The following FTO variants were observed in gnomAD, a reference collection of about 807,000 sequenced individuals.
FTO encodes FTO alpha-ketoglutarate dependent dioxygenase.
FTO carries 47 observed loss-of-function variants against 63.9 expected under a neutral mutation model. That is an observed-to-expected ratio of 0.74 (90% CI 0.58 to 0.94). The LOEUF is 0.94. FTO is among the 40% of genes least tolerant of loss of function. The pLI is 0.00. For missense variants in FTO, 562 were observed against 618.1 expected, an observed-to-expected ratio of 0.91 and a Z score of 0.96; for synonymous variants, 207 against 224.4, an observed-to-expected ratio of 0.92 and a Z score of 0.69.
intron 1 of FTO, among the ~76,000 whole-genome samples, chr16:53,790,296 C>T (rs924566428): frequency 1.4e-4 from 22 of 151,928 alleles, no homozygotes; most frequent in African/African-American, 5.1e-4. Flanking sequence ...TAGCTTCCCC[C>T]AGCCCCTGGC....
chr16:53,939,527 C>T (rs377399090), intron 8 of FTO, among the ~76,000 whole-genome samples: 147 of 152,208 alleles, frequency 9.7e-4, no homozygotes, highest in Non-Finnish European at 1.4e-3. Context: ...AGTATATGCA[C>T]GAGATTGTGC....
intron 8 of FTO, among the ~76,000 whole-genome samples, chr16:54,079,019 G>A (rs1159670790): frequency 6.6e-6 from 1 of 151,958 alleles, no homozygotes; most frequent in Non-Finnish European, 1.5e-5. Flanking sequence ...TTTTTAAGTT[G>A]AAATTTATTT....
chr16:53,750,404 A>AT (rs2076760364), intron 1 of FTO, among the ~76,000 whole-genome samples: 1 of 151,846 alleles, frequency 6.6e-6, no homozygotes, highest in African/African-American at 2.4e-5. Flanking sequence ...CACCTGGCGA[A>AT]TTTTTTGTAT....
chr16:53,871,870 G>C (rs1200502002), intron 4 of FTO, among the ~76,000 whole-genome samples: 1 of 152,026 alleles, frequency 6.6e-6, no homozygotes, highest in Non-Finnish European at 1.5e-5. Context: ...GGGATTACAA[G>C]CACCTGCCAC....
intron 1 of FTO, among the ~76,000 whole-genome samples, chr16:53,744,830 C>CA (rs1454981127): frequency 1.5e-5 from 1 of 68,388 alleles, no homozygotes; most frequent in Non-Finnish European, 2.8e-5. Context: ...TTTCTTCCCC[C>CA]CCCCCATATA....
At chr16:53,847,224 T>C (rs55798112) in intron 4 of FTO, among the ~76,000 whole-genome samples, 33,888 of 152,074 alleles carry the variant, frequency 0.22, 4,103 homozygotes, top group East Asian at 0.33. Context: ...TGTCATCTTA[T>C]CCCACTCGGG....
At chr16:53,914,776 C>T (rs1461223386) in intron 7 of FTO, among the ~76,000 whole-genome samples, 4 of 152,188 alleles carry the variant, frequency 2.6e-5, no homozygotes, top group Non-Finnish European at 5.9e-5. Context: ...GAAACTTGAA[C>T]AGCTGTACAA....
intron 7 of FTO, among the ~76,000 whole-genome samples, chr16:53,902,541 C>A (rs17222465): frequency 0.26 from 39,383 of 152,136 alleles, 5,527 homozygotes; most frequent in Middle Eastern, 0.44. Flanking sequence ...AACTTTTTCT[C>A]TACCCTGTGT....
chr16:53,776,066 G>A (rs186555259), intron 1 of FTO, among the ~76,000 whole-genome samples: 1 of 152,254 alleles, frequency 6.6e-6, no homozygotes, highest in Non-Finnish European at 1.5e-5. Flanking sequence ...CTCTAGCTGT[G>A]TGATTTTGTC....
intron 5 of FTO, among the ~76,000 whole-genome samples, chr16:53,878,932 G>C (rs1280403657): frequency 1.3e-5 from 2 of 152,202 alleles, no homozygotes; most frequent in Non-Finnish European, 2.9e-5. Context: ...ATTCTGCCAA[G>C]GACTGCCACT....
chr16:53,742,502 G>T (rs970776204), intron 1 of FTO, among the ~76,000 whole-genome samples: 2 of 152,206 alleles, frequency 1.3e-5, no homozygotes, highest in East Asian at 3.8e-4. Context: ...TAAAGGTTCA[G>T]TGAGGCAATC....
chr16:54,095,616 G>A (rs1459531123), intron 8 of FTO, among the ~76,000 whole-genome samples: 3 of 152,140 alleles, frequency 2.0e-5, no homozygotes, highest in Non-Finnish European at 4.4e-5. Flanking sequence ...AGGGAGCAAC[G>A]TCCAGCTAAA....
rs554260445 is a variant in FTO, at chr16:53,894,315, T to C, written c.1239+5364T>C. ...GAGTCTTCCTCAGCATAGGTTACAC[T>C]TCATGTAGTTTACATAGTCATAGGG... On this transcript the variant is annotated intron_variant, in intron 7 of 8. Coordinates refer to ENST00000471389, the MANE Select transcript of FTO (RefSeq NM_001080432.3). Among the ~76,000 whole-genome samples, 102 of 152,342 alleles carry C rather than the reference T, an allele frequency of 6.7e-4. 1 individual carries two copies. The South Asian group carries it at 0.021, about 31-fold the overall frequency.
At position 53,851,037 on chromosome 16, in the gene FTO, A is replaced by G. The variant is rs557944960; in HGVS notation, c.895+6739A>G. Reference sequence around the variant, plus strand: ...GAAGTATAATATCTTGTTCAATATGACACTACCTGGTAAAGCTTTTGTCCA... The same window carrying G: ...GAAGTATAATATCTTGTTCAATATGGCACTACCTGGTAAAGCTTTTGTCCA... On this transcript the variant is annotated intron_variant, in intron 4 of 8. Coordinates refer to ENST00000471389, the MANE Select transcript of FTO (RefSeq NM_001080432.3). 4.6e-5 allele frequency among the ~76,000 whole-genome samples: 7 copies of G among 152,286 alleles called. No individual in the cohort carries two copies. In the South Asian group the frequency reaches 1.2e-3, roughly 27 times the overall value.
intron 8 of FTO, among the ~76,000 whole-genome samples, chr16:54,091,447 G>A (rs150792067): frequency 5.9e-4 from 90 of 152,204 alleles, no homozygotes; most frequent in African/African-American, 2.1e-3. Flanking sequence ...GGCTGAGTTG[G>A]GAGGATCACT....
At chr16:53,753,078 TGG>T (rs2076836871) in intron 1 of FTO, among the ~76,000 whole-genome samples, 3 of 151,824 alleles carry the variant, frequency 2.0e-5, no homozygotes, top group Non-Finnish European at 2.9e-5. Context: ...CTGGGCAACA[TGG>T]TGAAACCTTG....
intron 1 of FTO, among the ~76,000 whole-genome samples, chr16:53,776,559 T>G (rs1301706654): frequency 3.9e-5 from 6 of 152,192 alleles, no homozygotes; most frequent in Non-Finnish European, 7.3e-5. Context: ...CCTATCAATA[T>G]TTACTGTACT....
chr16:54,024,914 T>G (rs2084681209), intron 8 of FTO, among the ~76,000 whole-genome samples: 1 of 152,212 alleles, frequency 6.6e-6, no homozygotes, highest in Non-Finnish European at 1.5e-5. Context: ...AGTCAATAGA[T>G]TTTATAATCA....
intron 4 of FTO, among the ~76,000 whole-genome samples, chr16:53,866,865 G>A (rs1288609351): frequency 6.6e-6 from 1 of 151,726 alleles, no homozygotes; most frequent in Non-Finnish European, 1.5e-5. Context: ...TTATCTCATC[G>A]AGGTGCATTA....
Sources: gnomAD v4.1 joint callset for allele counts (sites outside exome capture counted in the v4.1 genomes callset) on GRCh38, gnomAD v4.1.1 for gene constraint, MANE v1.5 for transcripts, NCBI Gene and HGNC (gene_info 2026-07-23, HGNC 2026-07-21) for gene names.